Variants in SGCZ observed in about 807,000 individuals in gnomAD.
SGCZ encodes sarcoglycan zeta.
In SGCZ, 40 loss-of-function variants were observed where a neutral mutation model predicts 41.3. The observed-to-expected ratio is 0.97, with a 90% CI of 0.75 to 1.26. The LOEUF is 1.26. Among genes scored for constraint, SGCZ ranks in the 50% most tolerant of loss-of-function variants. The pLI is 0.00. For synonymous variants in SGCZ, 206 were observed against 137.5 expected, an observed-to-expected ratio of 1.50 and a Z score of -3.49; for missense variants, 552 against 369.8, an observed-to-expected ratio of 1.49 and a Z score of -4.04.
chr8:14,289,258 T>A (rs961277285), intron 3 of SGCZ, among the ~76,000 whole-genome samples: 1 of 151,930 alleles, frequency 6.6e-6, no homozygotes, highest in Non-Finnish European at 1.5e-5. Flanking sequence ...TTAATGAGTA[T>A]TTTTTTAATT....
chr8:14,274,812 A>G (rs1800174644), intron 3 of SGCZ, among the ~76,000 whole-genome samples: 1 of 152,088 alleles, frequency 6.6e-6, no homozygotes, highest in South Asian at 2.1e-4. Context: ...AAAATTATTA[A>G]AATCATAATA....
chr8:14,393,518 T>C (rs1233749953), intron 2 of SGCZ, among the ~76,000 whole-genome samples: 1 of 152,168 alleles, frequency 6.6e-6, no homozygotes, highest in Non-Finnish European at 1.5e-5. Context: ...ATGTCAAACT[T>C]GATCTAACCA....
At chr8:14,666,013 C>T (rs1039890748) in intron 1 of SGCZ, among the ~76,000 whole-genome samples, 3 of 152,218 alleles carry the variant, frequency 2.0e-5, no homozygotes, top group Non-Finnish European at 4.4e-5. Flanking sequence ...AGCCTTGCAG[C>T]ATTAGGCTCT....
At chr8:14,346,854 G>C (rs1802906332) in intron 2 of SGCZ, among the ~76,000 whole-genome samples, 1 of 151,944 alleles carries the variant, frequency 6.6e-6, no homozygotes, top group South Asian at 2.1e-4. Context: ...TTTAAACTAA[G>C]AATAAAGTTT....
intron 1 of SGCZ, among the ~76,000 whole-genome samples, chr8:14,726,210 C>T (rs1178084860): frequency 2.1e-5 from 3 of 144,820 alleles, no homozygotes; most frequent in Admixed American, 7.0e-5. Context: ...TTGCAGTGAG[C>T]AGAGATTGTG....
intron 3 of SGCZ, among the ~76,000 whole-genome samples, chr8:14,286,514 G>A (rs1200244885): frequency 3.3e-5 from 5 of 152,060 alleles, no homozygotes; most frequent in African/African-American, 1.2e-4. Flanking sequence ...GTGTTCTGAG[G>A]TTGTACCCGA....
intron 3 of SGCZ, among the ~76,000 whole-genome samples, chr8:14,288,398 A>C (rs1028965295): frequency 6.6e-6 from 1 of 152,130 alleles, no homozygotes; most frequent in African/African-American, 2.4e-5. Context: ...TCAGCATTCC[A>C]AAAGGATATC....
intron 2 of SGCZ, among the ~76,000 whole-genome samples, chr8:14,535,927 A>G (rs960313497): frequency 1.4e-4 from 22 of 151,880 alleles, no homozygotes; most frequent in Admixed American, 1.4e-3. Flanking sequence ...GGAACTCTAT[A>G]CTATTTTACA....
In SGCZ at chr8:14,166,334, G is replaced by A. The variant is rs140219167; in HGVS notation, c.425-1632C>T. Among the ~76,000 whole-genome samples, 308 of 152,026 alleles carry A rather than the reference G, an allele frequency of 2.0e-3. 2 individuals carry two copies. Among genetic ancestry groups the A allele is most frequent in the African/African-American group, 6.7e-3 (279 of 41,474 alleles). ...CATTTGATCTTGAAAACATTATTTC[G>A]ACAGCTTGTATTCATTTGAGTGTGA... On this transcript the variant is annotated intron_variant, in intron 4 of 7. Transcript: ENST00000382080.
intron 3 of SGCZ, among the ~76,000 whole-genome samples, chr8:14,286,925 G>C (rs1450723027): frequency 6.6e-6 from 1 of 151,938 alleles, no homozygotes; most frequent in East Asian, 1.9e-4. Context: ...GTAAACAAAT[G>C]TATGTGATTA....
intron 1 of SGCZ, among the ~76,000 whole-genome samples, chr8:15,186,612 T>C (rs767261641): frequency 1.7e-4 from 26 of 152,326 alleles, no homozygotes; most frequent in Middle Eastern, 3.4e-3. Context: ...CTTCAAAAGA[T>C]GGCATTAAAA....
At chr8:14,234,931 C>T (rs1806701594) in intron 4 of SGCZ, among the ~76,000 whole-genome samples, 2 of 152,130 alleles carry the variant, frequency 1.3e-5, no homozygotes, top group Admixed American at 1.3e-4. Flanking sequence ...CACACAGATA[C>T]ACTGAATAGA....
chr8:15,153,380 T>C (rs1200708621), intron 1 of SGCZ, among the ~76,000 whole-genome samples: 1 of 152,188 alleles, frequency 6.6e-6, no homozygotes, highest in Non-Finnish European at 1.5e-5. Context: ...GCCAGGTTAT[T>C]ATACAACTAA....
At chr8:14,470,964 C>G (rs1200234089) in intron 2 of SGCZ, among the ~76,000 whole-genome samples, 1 of 152,136 alleles carries the variant, frequency 6.6e-6, no homozygotes, top group African/African-American at 2.4e-5. Flanking sequence ...ATCACTTCAT[C>G]AGTACCAGTA....
At chr8:14,922,049 A>G (rs1799602607) in intron 1 of SGCZ, among the ~76,000 whole-genome samples, 2 of 152,074 alleles carry the variant, frequency 1.3e-5, no homozygotes, top group Admixed American at 6.6e-5. Flanking sequence ...CCTTACCATC[A>G]AATGTTGATG....
intron 1 of SGCZ, among the ~76,000 whole-genome samples, chr8:15,158,261 T>C (rs1332595226): frequency 6.6e-6 from 1 of 152,136 alleles, no homozygotes; most frequent in African/African-American, 2.4e-5. Context: ...TTTCTGTTTA[T>C]CCTCCGTTAT....
At chr8:14,381,728 G>A (rs1192580956) in intron 2 of SGCZ, among the ~76,000 whole-genome samples, 1 of 151,904 alleles carries the variant, frequency 6.6e-6, no homozygotes, top group Admixed American at 6.6e-5. Context: ...CGAGGCTGCA[G>A]TGAGCCATGA....
intron 1 of SGCZ, among the ~76,000 whole-genome samples, chr8:15,200,006 G>C (rs560023627): frequency 7.2e-5 from 11 of 152,258 alleles, no homozygotes; most frequent in African/African-American, 2.4e-4. Context: ...ATTTGTTGTG[G>C]TCTATACTTT....
intron 1 of SGCZ, among the ~76,000 whole-genome samples, chr8:15,068,339 G>T (rs28591461): frequency 0.39 from 59,224 of 151,890 alleles, 12,677 homozygotes; most frequent in African/African-American, 0.58. Context: ...TTTTCAGTGA[G>T]GCCCACACTG....
Sources: allele counts gnomAD v4.1 joint callset (sites outside exome capture counted in the v4.1 genomes callset), GRCh38; gene constraint gnomAD v4.1.1; transcripts MANE v1.5; gene names NCBI Gene and HGNC (gene_info 2026-07-23, HGNC 2026-07-21).